PIGK: variants seen among roughly 807,000 people sequenced by gnomAD.
PIGK encodes the protein phosphatidylinositol glycan anchor biosynthesis class K, also known as GPI-anchor transamidase.
In PIGK, 42 loss-of-function variants were observed where a neutral mutation model predicts 50.6. That is an observed-to-expected ratio of 0.83 (90% CI 0.65 to 1.07). PIGK has a LOEUF of 1.07. PIGK is among the 50% of genes least tolerant of loss of function. The probability of loss-of-function intolerance (pLI) is 0.00; values close to 1 mark genes in which losing one functional copy is unlikely to be tolerated. For synonymous variants in PIGK, 151 were observed against 156.0 expected (o/e 0.97, Z 0.24); for missense variants, 448 against 488.7 (o/e 0.92, Z 0.78).
rs572854519 is a variant in PIGK, at chr1:77,189,156, A to C, written c.239+17484T>G. 1.2e-3 allele frequency among the ~76,000 whole-genome samples: 179 copies of C among 152,334 alleles called. 2 individuals are homozygous for C. In the Middle Eastern group the frequency reaches 0.017, roughly 14 times the overall value. ...TTAAGTATTCTTAACTTTATACAACAGTACATTTGGGTTTGGGATTGATGT... is the reference window on the plus strand; with the variant it reads ...TTAAGTATTCTTAACTTTATACAACCGTACATTTGGGTTTGGGATTGATGT... On this transcript the variant is annotated intron_variant, in intron 3 of 10. Coordinates refer to ENST00000370812, the MANE Select transcript of PIGK (RefSeq NM_005482.3).
chr1:77,216,383 A>C (rs1368601385), intron 1 of PIGK, among the ~76,000 whole-genome samples: 1 of 152,226 alleles, frequency 6.6e-6, no homozygotes, highest in Non-Finnish European at 1.5e-5. Flanking sequence ...AATTTTCATT[A>C]GAATATCATT....
intron 3 of PIGK, among the ~76,000 whole-genome samples, chr1:77,194,190 G>A (rs1221756844): frequency 6.6e-6 from 1 of 152,124 alleles, no homozygotes; most frequent in Non-Finnish European, 1.5e-5. Flanking sequence ...ACATATGCTG[G>A]CAAAGTTGTG....
At position 77,089,836 on chromosome 1, in the gene PIGK, C is replaced by G. The variant is rs1449459818; in HGVS notation, c.*2538G>C. 6.6e-6 allele frequency: 1 copy of G among 152,582 alleles called. No homozygotes were observed. Among genetic ancestry groups the G allele is most frequent in the East Asian group, 1.9e-4 (1 of 5,196 alleles). The allele number at this position is 152,582 out of a possible 1,614,324, so 9.5% of individuals were successfully genotyped here. A position where few individuals can be genotyped will look rare whatever the true frequency, so the allele number is the denominator to read the frequency against. On this transcript the variant is annotated 3_prime_UTR_variant, in exon 11 of 11. Coordinates refer to ENST00000370812, the MANE Select transcript of PIGK (RefSeq NM_005482.3). The stretch of plus-strand genomic sequence containing the variant: ...CACATTATTTGATTTCTTTTTCTCA[C>G]ACAGGCTGCCTTTGCAGGATGGCAT...
intron 6 of PIGK, among the ~76,000 whole-genome samples, chr1:77,162,045 TC>T (rs1383509169): frequency 6.6e-6 from 1 of 152,200 alleles, no homozygotes; most frequent in Admixed American, 6.5e-5. Context: ...TGAGCTAGGT[TC>T]AGAAAAAGAA....
In PIGK at chr1:77,129,706, A is replaced by T. The variant is rs559971238; in HGVS notation, c.987-7347T>A. 383 of 1,109,740 alleles carry T rather than the reference A, an allele frequency of 3.5e-4. No homozygotes were observed. In the African/African-American group the frequency reaches 5.8e-3, roughly 17 times the overall value. The allele number at this position is 1,109,740 out of a possible 1,614,324, so 68.7% of individuals were successfully genotyped here. A position where few individuals can be genotyped will look rare whatever the true frequency, so the allele number is the denominator to read the frequency against. On this transcript the variant is annotated intron_variant, in intron 9 of 10. Coordinates refer to ENST00000370812, the MANE Select transcript of PIGK (RefSeq NM_005482.3). Reference sequence around the variant, plus strand: ...AATAAATGTAATTAAAAGGAAAAATAAAAAATAAAAATAAATAAATAAATA... The same window carrying T: ...AATAAATGTAATTAAAAGGAAAAATTAAAAATAAAAATAAATAAATAAATA...
intron 10 of PIGK, among the ~76,000 whole-genome samples, chr1:77,119,178 C>T (rs72681893): frequency 0.078 from 11,827 of 152,158 alleles, 628 homozygotes; most frequent in South Asian, 0.21. Flanking sequence ...ATCATGTGGT[C>T]ATTTTTTCCT....
chr1:77,202,982 G>A (rs1252587060), intron 3 of PIGK, among the ~76,000 whole-genome samples: 1 of 152,146 alleles, frequency 6.6e-6, no homozygotes, highest in Non-Finnish European at 1.5e-5. Context: ...CCCTCAGTCA[G>A]CCTCAATTCC....
At chr1:77,216,941 A>G (rs901814064) in intron 1 of PIGK, among the ~76,000 whole-genome samples, 6 of 152,212 alleles carry the variant, frequency 3.9e-5, no homozygotes, top group Non-Finnish European at 7.3e-5. Context: ...TTATAAAGTT[A>G]TTCATTCTAC....
chr1:77,188,093 T>C (rs1286330536), intron 3 of PIGK, among the ~76,000 whole-genome samples: 1 of 152,128 alleles, frequency 6.6e-6, no homozygotes, highest in Admixed American at 6.5e-5. Flanking sequence ...TTGTACAGCA[T>C]GTGTGTTTGA....
chr1:77,101,961 GC>G (rs1316245160), intron 10 of PIGK, among the ~76,000 whole-genome samples: 1 of 152,148 alleles, frequency 6.6e-6, no homozygotes, highest in Non-Finnish European at 1.5e-5. Flanking sequence ...CTGAGATGGT[GC>G]CACTGCACTC....
chr1:77,102,126 C>G (rs1653560737), intron 10 of PIGK, among the ~76,000 whole-genome samples: 1 of 152,162 alleles, frequency 6.6e-6, no homozygotes. Flanking sequence ...GGCAGCAAGA[C>G]CTGTTGTGGT....
chr1:77,101,538 T>C (rs554638384), intron 10 of PIGK, among the ~76,000 whole-genome samples: 1 of 152,334 alleles, frequency 6.6e-6, no homozygotes, highest in East Asian at 1.9e-4. Context: ...GTCTTAGTTA[T>C]GTATTATTTT....
intron 3 of PIGK, among the ~76,000 whole-genome samples, chr1:77,192,804 A>G (rs868759694): frequency 5.3e-5 from 8 of 152,216 alleles, no homozygotes; most frequent in African/African-American, 1.9e-4. Context: ...AAATACATTT[A>G]GGACTAAAAT....
chr1:77,129,468 G>A (rs952066008), intron 9 of PIGK: 3 of 1,464,534 alleles, frequency 2.0e-6, no homozygotes, highest in South Asian at 1.1e-5. Flanking sequence ...GCATATCCAA[G>A]TGAACAAAGC....
chr1:77,194,386 T>C (rs1365534805), intron 3 of PIGK, among the ~76,000 whole-genome samples: 1 of 151,776 alleles, frequency 6.6e-6, no homozygotes, highest in Non-Finnish European at 1.5e-5. Context: ...AATATCAACC[T>C]AGGTGCCCAT....
At chr1:77,098,893 T>C (rs564291298) in intron 10 of PIGK, among the ~76,000 whole-genome samples, 1 of 152,282 alleles carries the variant, frequency 6.6e-6, no homozygotes, top group South Asian at 2.1e-4. Flanking sequence ...ATATATTAAG[T>C]ATTTCTTTCT....
chr1:77,184,051 C>T (rs1385457566), intron 3 of PIGK, among the ~76,000 whole-genome samples: 7 of 152,124 alleles, frequency 4.6e-5, no homozygotes, highest in Non-Finnish European at 1.0e-4. Flanking sequence ...AATTTAAATA[C>T]AGTGGAAATA....
intron 3 of PIGK, among the ~76,000 whole-genome samples, chr1:77,171,919 C>T (rs1655371960): frequency 6.6e-6 from 1 of 151,964 alleles, no homozygotes; most frequent in African/African-American, 2.4e-5. Context: ...ACTATGAAAT[C>T]AAGAGAAAAT....
intron 3 of PIGK, among the ~76,000 whole-genome samples, chr1:77,177,670 T>C (rs145316166): frequency 0.013 from 2,000 of 152,292 alleles, 53 homozygotes; most frequent in African/African-American, 0.046. Context: ...TCTATATTTC[T>C]GTGTGTGTGC....
Sources: allele counts gnomAD v4.1 joint callset (sites outside exome capture counted in the v4.1 genomes callset), GRCh38; gene constraint gnomAD v4.1.1; transcripts MANE v1.5; gene names NCBI Gene and HGNC (gene_info 2026-07-23, HGNC 2026-07-21).